The following XYLT1 variants were observed in gnomAD, a reference collection of about 807,000 sequenced individuals.
XYLT1 encodes beta-D-xylosyltransferase 1.
Under a neutral mutation model 91.3 loss-of-function variants are expected in XYLT1, and 36 were observed. That is an observed-to-expected ratio of 0.39 (90% CI 0.30 to 0.52). XYLT1 has a LOEUF of 0.52. XYLT1 is among the 20% of genes least tolerant of loss of function. XYLT1 has a pLI of 0.68. For missense variants in XYLT1, 1,242 were observed against 1,284.5 expected (o/e 0.97, Z 0.51); for synonymous variants, 588 against 532.0 (o/e 1.11, Z -1.45).
intron 3 of XYLT1, among the ~76,000 whole-genome samples, chr16:17,249,206 G>A (rs553619301): frequency 6.6e-6 from 1 of 152,294 alleles, no homozygotes; most frequent in Non-Finnish European, 1.5e-5. Context: ...GAAGGGAGCT[G>A]GTGACAAACA....
At chr16:17,385,874 A>G (rs940109193) in intron 1 of XYLT1, among the ~76,000 whole-genome samples, 9 of 152,230 alleles carry the variant, frequency 5.9e-5, no homozygotes, top group African/African-American at 2.2e-4. Flanking sequence ...TATTTACTCA[A>G]CTAACAGTGG....
chr16:17,423,625 T>A (rs984952257), intron 1 of XYLT1, among the ~76,000 whole-genome samples: 4 of 152,040 alleles, frequency 2.6e-5, no homozygotes, highest in African/African-American at 9.7e-5. Flanking sequence ...TCTCTTTTTT[T>A]TTTGAGACAG....
intron 1 of XYLT1, among the ~76,000 whole-genome samples, chr16:17,445,395 T>C (rs1423161554): frequency 2.0e-5 from 3 of 152,220 alleles, no homozygotes; most frequent in African/African-American, 4.8e-5. Context: ...GCACCATCCA[T>C]TGTTAAAGAA....
intron 2 of XYLT1, among the ~76,000 whole-genome samples, chr16:17,356,949 A>G (rs7189543): frequency 0.35 from 53,354 of 151,586 alleles, 10,253 homozygotes; most frequent in African/African-American, 0.51. Flanking sequence ...GGCCAAGGTG[A>G]GCGGATCACA....
intron 2 of XYLT1, among the ~76,000 whole-genome samples, chr16:17,296,668 T>C (rs964825316): frequency 6.6e-6 from 1 of 152,160 alleles, no homozygotes; most frequent in Non-Finnish European, 1.5e-5. Context: ...CAAATCCGAT[T>C]TCTCCAGGGC....
At chr16:17,364,966 A>G (rs1389712365) in intron 1 of XYLT1, among the ~76,000 whole-genome samples, 2 of 152,178 alleles carry the variant, frequency 1.3e-5, no homozygotes, top group African/African-American at 2.4e-5. Flanking sequence ...CATGATACCT[A>G]AACTCTACCA....
chr16:17,464,969 AC>A (rs1463689802), intron 1 of XYLT1, among the ~76,000 whole-genome samples: 1 of 151,458 alleles, frequency 6.6e-6, no homozygotes, highest in Non-Finnish European at 1.5e-5. Context: ...ACATGGTGAA[AC>A]CCTGTCTCTA....
At chr16:17,321,871 G>C (rs1259092139) in intron 2 of XYLT1, among the ~76,000 whole-genome samples, 1 of 152,166 alleles carries the variant, frequency 6.6e-6, no homozygotes, top group Non-Finnish European at 1.5e-5. Context: ...TGGTATGGTG[G>C]CAAGGTTGGC....
intron 7 of XYLT1, among the ~76,000 whole-genome samples, chr16:17,140,698 G>GA (rs2030947257): frequency 6.9e-6 from 1 of 144,870 alleles, no homozygotes; most frequent in Non-Finnish European, 1.5e-5. Context: ...AAAAGTTGAT[G>GA]TGGGTGTGTC....
chr16:17,425,131 G>C (rs1263818924), intron 1 of XYLT1, among the ~76,000 whole-genome samples: 1 of 152,174 alleles, frequency 6.6e-6, no homozygotes, highest in Non-Finnish European at 1.5e-5. Flanking sequence ...AGGAGGAATG[G>C]TCTTTAGCTT....
At chr16:17,260,015 G>A (rs530243244) in intron 2 of XYLT1, among the ~76,000 whole-genome samples, 2 of 150,986 alleles carry the variant, frequency 1.3e-5, no homozygotes, top group South Asian at 4.2e-4. Context: ...AATTCTGTGG[G>A]AAAGAAACCA....
intron 9 of XYLT1, among the ~76,000 whole-genome samples, chr16:17,133,946 C>A (rs1317485092): frequency 6.6e-6 from 1 of 152,132 alleles, no homozygotes; most frequent in African/African-American, 2.4e-5. Flanking sequence ...TTCAGAGATA[C>A]ATTATTAAAA....
intron 1 of XYLT1, among the ~76,000 whole-genome samples, chr16:17,362,239 A>C (rs1372582012): frequency 1.3e-5 from 2 of 152,170 alleles, no homozygotes; most frequent in Non-Finnish European, 2.9e-5. Context: ...CAAATACCGT[A>C]ATCTTTTTTT....
At chr16:17,229,926 T>C (rs2033133341) in intron 3 of XYLT1, among the ~76,000 whole-genome samples, 1 of 152,188 alleles carries the variant, frequency 6.6e-6, no homozygotes, top group South Asian at 2.1e-4. Flanking sequence ...AGAAATCCAA[T>C]GACTCATCTT....
At chr16:17,272,365 T>C (rs1283165557) in intron 2 of XYLT1, among the ~76,000 whole-genome samples, 1 of 151,966 alleles carries the variant, frequency 6.6e-6, no homozygotes, top group Non-Finnish European at 1.5e-5. Flanking sequence ...GGTTTCACCA[T>C]GTTGGCCAGG....
chr16:17,288,134 G>T (rs187167152), intron 2 of XYLT1, among the ~76,000 whole-genome samples: 1 of 151,520 alleles, frequency 6.6e-6, no homozygotes, highest in Admixed American at 6.6e-5. Context: ...CTACTATGTT[G>T]CCCAGGCTGG....
intron 3 of XYLT1, among the ~76,000 whole-genome samples, chr16:17,222,889 G>A (rs1052016213): frequency 1.3e-5 from 2 of 151,388 alleles, no homozygotes; most frequent in Non-Finnish European, 2.9e-5. Context: ...CAACTGTGAC[G>A]GCCGCTCTTC....
intron 3 of XYLT1, among the ~76,000 whole-genome samples, chr16:17,252,570 T>C (rs1477459547): frequency 6.6e-6 from 1 of 152,190 alleles, no homozygotes; most frequent in Non-Finnish European, 1.5e-5. Flanking sequence ...TGAAAACAGC[T>C]GTCACCGAAA....
rs2031326463 is a variant in XYLT1, at chr16:17,153,279, G to A, written c.1370+5550C>T. Among the ~76,000 whole-genome samples, 4 of 152,132 alleles carry A rather than the reference G, an allele frequency of 2.6e-5. No individual in the cohort carries two copies. In the South Asian group the frequency reaches 6.2e-4, roughly 24 times the overall value. On this transcript the variant is annotated intron_variant, in intron 6 of 11. Coordinates refer to ENST00000261381, the MANE Select transcript of XYLT1 (RefSeq NM_022166.4). Reference sequence around the variant, plus strand: ...GAAAACTGATACACAGGTAACTCACGTAACTTACCCAAGGTCACACACTGT... The same window carrying A: ...GAAAACTGATACACAGGTAACTCACATAACTTACCCAAGGTCACACACTGT...
Sources: gnomAD v4.1 joint callset for allele counts (sites outside exome capture counted in the v4.1 genomes callset) on GRCh38, gnomAD v4.1.1 for gene constraint, MANE v1.5 for transcripts, NCBI Gene and HGNC (gene_info 2026-07-23, HGNC 2026-07-21) for gene names.